Variants in KCNQ1 observed in about 807,000 individuals in gnomAD.
KCNQ1 encodes the protein potassium voltage-gated channel subfamily KQT member 1.
A neutral mutation model predicts 72.4 loss-of-function variants in KCNQ1; 49 were observed. That is an observed-to-expected ratio of 0.68 (90% CI 0.54 to 0.86). KCNQ1 has a LOEUF of 0.86. Ranked by LOEUF, KCNQ1 falls within the 40% of genes least tolerant of loss-of-function variation. KCNQ1 has a pLI of 0.00. For synonymous variants in KCNQ1, 450 were observed against 412.6 expected (o/e 1.09, Z -1.10); for missense variants, 790 against 945.1 (o/e 0.84, Z 2.15).
At position 2,683,568 on chromosome 11, in the gene KCNQ1, C is replaced by A. The variant is rs951668583; in HGVS notation, c.1514+21487C>A. The A allele has an allele frequency of 1.8e-5, 7 of 398,526 alleles. No homozygotes were observed. Among genetic ancestry groups the A allele is most frequent in the African/African-American group, 1.0e-4 (5 of 48,620 alleles). 24.7% of individuals were successfully genotyped at this position (398,526 alleles called of 1,614,324 possible). ...GTAGAAGCCCCTACCTACTGACTGG[C>A]ATCACAAACACTGCCCTGAAATGCC... On this transcript the variant is annotated intron_variant, in intron 11 of 15. Coordinates refer to ENST00000155840, the MANE Select transcript of KCNQ1 (RefSeq NM_000218.3). The surrounding 1 kb of genome is among the most constrained non-coding windows in gnomAD (Gnocchi z 4.7).
At chr11:2,636,653 T>G (rs1483137583) in intron 10 of KCNQ1, 1 of 151,152 alleles carries the variant, frequency 6.6e-6, no homozygotes, top group Non-Finnish European at 1.5e-5. Context: ...TCTCTTTTTT[T>G]GTTGTGTCTC....
intron 10 of KCNQ1, chr11:2,615,069 G>C (rs893171106): frequency 2.5e-6 from 1 of 398,038 alleles, no homozygotes; most frequent in Non-Finnish European, 4.4e-6. Flanking sequence ...TTTAATTTTT[G>C]TCAACAGTGT....
Position 2,617,515 on chromosome 11 carries a change from A to G in KCNQ1, c.1393+28661A>G, listed in dbSNP as rs1332462740. On this transcript the variant is annotated intron_variant, in intron 10 of 15. Transcript: ENST00000155840. The surrounding 1 kb of genome is among the most constrained non-coding windows in gnomAD (Gnocchi z 4.6). ...TCGTGACTCATGCATATAATGCCAC[A>G]ATGAATATAGGAGCGCAGATATCTT... The G allele has an allele frequency of 2.5e-6, 1 of 398,378 alleles. No individual in the cohort carries two copies. The highest frequency in any genetic ancestry group is 4.4e-6 in the Non-Finnish European group (1 of 225,970). The allele number at this position is 398,378 out of a possible 1,614,324, so 24.7% of individuals were successfully genotyped here.
Position 2,724,206 on chromosome 11 carries a change from C to T in KCNQ1, c.1515-44638C>T, listed in dbSNP as rs76237107. Among the ~76,000 whole-genome samples, 7 of 152,328 alleles carry T rather than the reference C, an allele frequency of 4.6e-5. No homozygotes were observed. The East Asian group carries it at 1.4e-3, about 29-fold the overall frequency. ...AGAAAAACACGCACAGATCCAGGCT[C>T]AGATGATATACAGTCCTCCTCCCGG... is the stretch of plus-strand genomic sequence containing the variant. On this transcript the variant is annotated intron_variant, in intron 11 of 15. Coordinates refer to ENST00000155840, the MANE Select transcript of KCNQ1 (RefSeq NM_000218.3). The surrounding 1 kb of genome is among the most constrained non-coding windows in gnomAD (Gnocchi z 6.8).
At position 2,458,473 on chromosome 11, in the gene KCNQ1, C is replaced by T. The variant is rs1846227185; in HGVS notation, c.386+12989C>T. 6.6e-6 allele frequency among the ~76,000 whole-genome samples: 1 copy of T among 152,250 alleles called. No individual in the cohort carries two copies. Among genetic ancestry groups the T allele is most frequent in the African/African-American group, 2.4e-5 (1 of 41,470 alleles). ...GTTGCGTCCTTCTTTGGGACTCCCG[C>T]AGATGCCTGAGGCGGCAGTGCTGCT... On this transcript the variant is annotated intron_variant, in intron 1 of 15. Transcript: ENST00000155840. This position sits in a 1 kb window ranked among gnomAD's most constrained non-coding sequence, Gnocchi z 4.6.
intron 1 of KCNQ1, among the ~76,000 whole-genome samples, chr11:2,449,663 G>T (rs986681428): frequency 1.3e-5 from 2 of 152,214 alleles, no homozygotes; most frequent in Non-Finnish European, 2.9e-5. Context: ...AGTGCCTTTG[G>T]GGGCAGCTGA....
Position 2,523,061 on chromosome 11 carries a change from C to T in KCNQ1, c.387-4867C>T, listed in dbSNP as rs76949327. On this transcript the variant is annotated intron_variant, in intron 1 of 15. Coordinates refer to ENST00000155840, the MANE Select transcript of KCNQ1 (RefSeq NM_000218.3). Reference sequence around the variant, plus strand: ...AGGAGAGGCCCCTGCAGCTGGAATCCGCGCCATGAAGCCCAGGCGCGTGGT... The same window carrying T: ...AGGAGAGGCCCCTGCAGCTGGAATCTGCGCCATGAAGCCCAGGCGCGTGGT... Among the ~76,000 whole-genome samples the T allele has an allele frequency of 2.1e-3, 322 of 152,364 alleles. 1 individual carries two copies. Among genetic ancestry groups the T allele is most frequent in the African/African-American group, 7.2e-3 (299 of 41,580 alleles).
rs763114271 is a variant in KCNQ1, at chr11:2,620,854, T to G, written c.1393+32000T>G. 2 of 398,528 alleles carry G rather than the reference T, an allele frequency of 5.0e-6. No homozygotes were observed. The highest frequency in any genetic ancestry group is 8.8e-6 in the Non-Finnish European group (2 of 226,088). 24.7% of individuals were successfully genotyped at this position (398,528 alleles called of 1,614,324 possible). On this transcript the variant is annotated intron_variant, in intron 10 of 15. Coordinates refer to ENST00000155840, the MANE Select transcript of KCNQ1 (RefSeq NM_000218.3). The surrounding 1 kb of genome is among the most constrained non-coding windows in gnomAD (Gnocchi z 4.5). Reference sequence around the variant, plus strand: ...TCTCTGCAGCCTTCCCAGCAACTTTTATTTTTTTGACTTTTTAATAATTGC... The same window carrying G: ...TCTCTGCAGCCTTCCCAGCAACTTTGATTTTTTTGACTTTTTAATAATTGC...
rs1459573164 is a variant in KCNQ1 at position 2,458,433 on chromosome 11, C to G, written c.386+12949C>G. Among the ~76,000 whole-genome samples, 1 of 152,166 alleles carries G rather than the reference C, an allele frequency of 6.6e-6. No homozygotes were observed. Among genetic ancestry groups the G allele is most frequent in the South Asian group, 2.1e-4 (1 of 4,832 alleles). On this transcript the variant is annotated intron_variant, in intron 1 of 15. Coordinates refer to ENST00000155840, the MANE Select transcript of KCNQ1 (RefSeq NM_000218.3). This position sits in a 1 kb window ranked among gnomAD's most constrained non-coding sequence, Gnocchi z 4.6. ...CCTGTGAACTGTAACTCGGGGAAACCCAGTAGCTGATGGGGTTGCGTCCTT... is the reference window on the plus strand; with the variant it reads ...CCTGTGAACTGTAACTCGGGGAAACGCAGTAGCTGATGGGGTTGCGTCCTT...
At position 2,648,881 on chromosome 11, in the gene KCNQ1, A is replaced by G. The variant is rs137966006; in HGVS notation, c.1394-13080A>G. ...TAATATTTGTTTAATATACCTGGGTACTCCAGTGTTGTTGGTTGCATATAT... is the reference window on the plus strand; with the variant it reads ...TAATATTTGTTTAATATACCTGGGTGCTCCAGTGTTGTTGGTTGCATATAT... On this transcript the variant is annotated intron_variant, in intron 10 of 15. Transcript: ENST00000155840. 1,195 of 397,304 alleles carry G rather than the reference A, an allele frequency of 3.0e-3. 11 individuals are homozygous for G. Among genetic ancestry groups the G allele is most frequent in the African/African-American group, 0.021 (1,024 of 48,306 alleles). The allele number at this position is 397,304 out of a possible 1,614,324, so 24.6% of individuals were successfully genotyped here.
chr11:2,741,673 C>T (rs1019946768), intron 11 of KCNQ1, among the ~76,000 whole-genome samples: 4 of 152,224 alleles, frequency 2.6e-5, no homozygotes, highest in Admixed American at 6.5e-5. Flanking sequence ...CACTGGCCTG[C>T]AATTATCACC....
At position 2,682,711 on chromosome 11, in the gene KCNQ1, C is replaced by G; in HGVS notation, c.1514+20630C>G. ...GGGTCCAAAGTTGACCAGAATATCT[C>G]TAGTCATAAAGAATCTCTTCCCCTT... On this transcript the variant is annotated intron_variant, in intron 11 of 15. Coordinates refer to ENST00000155840, the MANE Select transcript of KCNQ1 (RefSeq NM_000218.3). This position sits in a 1 kb window ranked among gnomAD's most constrained non-coding sequence, Gnocchi z 5.8. 1 of 398,616 alleles carries G rather than the reference C, an allele frequency of 2.5e-6. No individual in the cohort carries two copies. The allele number at this position is 398,616 out of a possible 1,614,324, so 24.7% of individuals were successfully genotyped here.
In KCNQ1 at chr11:2,566,381, T is replaced by A. The variant is rs1848247710; in HGVS notation, c.478-4247T>A. On this transcript the variant is annotated intron_variant, in intron 2 of 15. Transcript: ENST00000155840. This position sits in a 1 kb window ranked among gnomAD's most constrained non-coding sequence, Gnocchi z 6.7. ...CACACCCGAGGACACCTGTACCTTG[T>A]CCCGGGGCGGGGCTCTCTCTGCCAT... Among the ~76,000 whole-genome samples the A allele has an allele frequency of 6.6e-6, 1 of 152,160 alleles. No homozygotes were observed. The highest frequency in any genetic ancestry group is 1.5e-5 in the Non-Finnish European group (1 of 68,024).
Position 2,620,613 on chromosome 11 carries a change from C to T in KCNQ1, c.1393+31759C>T. 1 of 397,700 alleles carries T rather than the reference C, an allele frequency of 2.5e-6. No homozygotes were observed. The highest frequency in any genetic ancestry group is 3.6e-5 in the East Asian group (1 of 28,052). 24.6% of individuals were successfully genotyped at this position (397,700 alleles called of 1,614,324 possible). On this transcript the variant is annotated intron_variant, in intron 10 of 15. Transcript: ENST00000155840. This position sits in a 1 kb window ranked among gnomAD's most constrained non-coding sequence, Gnocchi z 4.5. ...CACTGATGGGCATCTAAGTGGATTC[C>T]ATGTCTTTGCTGTTGTGAATAGTGC...
In KCNQ1 at chr11:2,750,069, A is replaced by C. The variant is rs982719410; in HGVS notation, c.1515-18775A>C. The stretch of plus-strand genomic sequence containing the variant: ...AGGGAGTGGGAACAGCCAAGAGGCC[A>C]GGAAGCGGAGCCTGGGTGCAGGGGC... On this transcript the variant is annotated intron_variant, in intron 11 of 15. Coordinates refer to ENST00000155840, the MANE Select transcript of KCNQ1 (RefSeq NM_000218.3). This position sits in a 1 kb window ranked among gnomAD's most constrained non-coding sequence, Gnocchi z 6.3. 6.6e-6 allele frequency among the ~76,000 whole-genome samples: 1 copy of C among 152,162 alleles called. No individual in the cohort carries two copies. Among genetic ancestry groups the C allele is most frequent in the African/African-American group, 2.4e-5 (1 of 41,424 alleles).
rs1400779304 is a variant in KCNQ1, at chr11:2,813,254, G to A, written c.1795-34513G>A. 2.6e-5 allele frequency among the ~76,000 whole-genome samples: 4 copies of A among 152,178 alleles called. No individual in the cohort carries two copies. Among genetic ancestry groups the A allele is most frequent in the African/African-American group, 9.7e-5 (4 of 41,442 alleles). ...CCCCAAGGTGCCTGGAGTAGCTTAT[G>A]GAGGTCACTGATGGCCTCAGGATGC... On this transcript the variant is annotated intron_variant, in intron 15 of 15. Transcript: ENST00000155840. This position sits in a 1 kb window ranked among gnomAD's most constrained non-coding sequence, Gnocchi z 4.4.
At chr11:2,615,023 A>G (rs1003796765) in intron 10 of KCNQ1, 11 of 398,294 alleles carry the variant, frequency 2.8e-5, no homozygotes, top group Non-Finnish European at 4.9e-5. Flanking sequence ...CCAATCTGTG[A>G]ACACAGGATG....
At chr11:2,763,413 A>AT (rs923488731) in intron 11 of KCNQ1, among the ~76,000 whole-genome samples, 2 of 151,472 alleles carry the variant, frequency 1.3e-5, no homozygotes, top group African/African-American at 2.4e-5. Flanking sequence ...AAAAAAAAAA[A>AT]AATAAGAAAG....
At chr11:2,467,093 G>A (rs1385579148) in intron 1 of KCNQ1, among the ~76,000 whole-genome samples, 5 of 152,168 alleles carry the variant, frequency 3.3e-5, no homozygotes, top group African/African-American at 9.7e-5. Flanking sequence ...CCTGGAGGTC[G>A]GAGGAGCAAG....
Sources: allele counts gnomAD v4.1 joint callset (sites outside exome capture counted in the v4.1 genomes callset), GRCh38; gene constraint gnomAD v4.1.1; non-coding constraint Gnocchi (gnomAD v3.1); transcripts MANE v1.5; gene names NCBI Gene and HGNC (gene_info 2026-07-23, HGNC 2026-07-21).